PCDHA8: variants seen among roughly 807,000 people sequenced by gnomAD.
The protein encoded by PCDHA8 is protocadherin alpha-8.
In PCDHA8, 53 loss-of-function variants were observed where a neutral mutation model predicts 61.8. The ratio of observed to expected loss-of-function variants is 0.86; its 90% CI spans 0.69 to 1.08. The LOEUF (loss-of-function observed/expected upper bound fraction) is 1.08. Ranked by LOEUF, PCDHA8 falls within the 50% of genes least tolerant of loss-of-function variation. The probability of loss-of-function intolerance (pLI) is 0.00; values close to 1 mark genes in which losing one functional copy is unlikely to be tolerated. For missense variants in PCDHA8, 1,293 were observed against 1,245.0 expected (o/e 1.04, Z -0.58); for synonymous variants, 618 against 556.6 (o/e 1.11, Z -1.55).
intron 1 of PCDHA8, among the ~76,000 whole-genome samples, chr5:140,931,548 G>C (rs2087590460): frequency 6.6e-6 from 1 of 151,968 alleles, no homozygotes; most frequent in African/African-American, 2.4e-5. Flanking sequence ...CTGTTCATAT[G>C]TGCAGGAATA....
At chr5:140,980,447 C>T (rs952861849) in intron 2 of PCDHA8, among the ~76,000 whole-genome samples, 4 of 152,036 alleles carry the variant, frequency 2.6e-5, no homozygotes, top group Admixed American at 6.6e-5. Context: ...CTGGACAACA[C>T]GGTGAAACCC....
At position 140,842,736 on chromosome 5, in the gene PCDHA8, G is replaced by A; in HGVS notation, c.1415G>A (p.Cys472Tyr). Reference protein sequence around the residue: ...VFVKENNPPGCHIFTVSARDA... With the variant: ...VFVKENNPPGYHIFTVSARDA... ...GTGAAGGAGAACAACCCGCCGGGCT[G>A]CCACATCTTCACGGTGTCTGCGCGA... The change falls in exon 1 of 4, where the codon TGC becomes TAC. Residue 472 changes from cysteine (C) to tyrosine (Y), a missense_variant. By Grantham distance (194) the Cys-to-Tyr change is radical. Transcript: ENST00000531613. 1 of 1,594,954 alleles carries A rather than the reference G, an allele frequency of 6.3e-7. No homozygotes were observed. Among genetic ancestry groups the A allele is most frequent in the South Asian group, 1.1e-5 (1 of 90,478 alleles).
intron 3 of PCDHA8, 51 bp downstream of exon 3, chr5:140,982,614 G>T (rs1283279622): frequency 6.3e-7 from 1 of 1,596,658 alleles, no homozygotes; most frequent in Non-Finnish European, 8.5e-7. Flanking sequence ...AAAGTGATCA[G>T]ATGACCTACT....
At chr5:140,955,385 G>A (rs1416235573) in intron 1 of PCDHA8, among the ~76,000 whole-genome samples, 4 of 152,216 alleles carry the variant, frequency 2.6e-5, no homozygotes, top group South Asian at 4.1e-4. Flanking sequence ...GAATCATGGG[G>A]GCAATTATCC....
chr5:140,974,618 T>C (rs781783540), intron 1 of PCDHA8, among the ~76,000 whole-genome samples: 1 of 152,086 alleles, frequency 6.6e-6, no homozygotes, highest in Non-Finnish European at 1.5e-5. Context: ...TTCAAGCGAT[T>C]CTCCTGCCTC....
intron 3 of PCDHA8, among the ~76,000 whole-genome samples, chr5:141,003,132 C>G (rs1391034413): frequency 6.6e-6 from 1 of 152,208 alleles, no homozygotes; most frequent in African/African-American, 2.4e-5. Flanking sequence ...CTGGCATTTG[C>G]CTTGGCAAAG....
intron 3 of PCDHA8, chr5:140,989,000 GAGACTTATTAT>G (rs2097324899): frequency 6.6e-6 from 1 of 152,202 alleles, no homozygotes; most frequent in Non-Finnish European, 1.5e-5. Flanking sequence ...TAAGGAAATA[GAGACTTATTAT>G]AGTTTCTTCA....
chr5:141,000,618 G>A (rs1354281260), intron 3 of PCDHA8, among the ~76,000 whole-genome samples: 1 of 150,858 alleles, frequency 6.6e-6, no homozygotes, highest in Non-Finnish European at 1.5e-5. Flanking sequence ...AGTAGAGACA[G>A]GGTTTCACCA....
At chr5:140,870,438 C>A in intron 1 of PCDHA8, 1 of 1,614,178 alleles carries the variant, frequency 6.2e-7, no homozygotes, top group Non-Finnish European at 8.5e-7. Context: ...TGGAGGTGGC[C>A]GACGTGAACG....
At chr5:140,886,605 A>G (rs998772471) in intron 1 of PCDHA8, among the ~76,000 whole-genome samples, 2 of 152,108 alleles carry the variant, frequency 1.3e-5, no homozygotes, top group Non-Finnish European at 2.9e-5. Flanking sequence ...AGGTGGGCGG[A>G]TCAGGAGATC....
In PCDHA8 at chr5:140,870,881, T is replaced by C. The variant is rs782030647; in HGVS notation, c.2394+27166T>C. 3.7e-6 allele frequency: 6 copies of C among 1,613,870 alleles called. No individual in the cohort carries two copies. The South Asian group carries it at 5.5e-5, about 15-fold the overall frequency. On this transcript the variant is annotated intron_variant, in intron 1 of 3. Transcript: ENST00000531613. ...GGTGCGGGCCACGTGGTGGCGAAGG[T>C]GCGCGCAGTGGATGCGGACTCAGGC...
At chr5:140,958,905 A>G (rs1295198062) in intron 1 of PCDHA8, among the ~76,000 whole-genome samples, 1 of 149,390 alleles carries the variant, frequency 6.7e-6, no homozygotes, top group Non-Finnish European at 1.5e-5. Flanking sequence ...AGATACAGAA[A>G]AGTCTGCCTG....
intron 1 of PCDHA8, chr5:140,882,756 G>T: frequency 6.2e-7 from 1 of 1,614,238 alleles, no homozygotes; most frequent in Non-Finnish European, 8.5e-7. Flanking sequence ...GCAGATATTG[G>T]AGTAAACTCG....
At chr5:140,859,400 G>T in intron 1 of PCDHA8, 1 of 258,574 alleles carries the variant, frequency 3.9e-6, no homozygotes, top group South Asian at 8.7e-5. Context: ...CTTAAACAGG[G>T]TTGGGTTAGA....
At chr5:140,920,910 A>C (rs2153559145) in intron 1 of PCDHA8, among the ~76,000 whole-genome samples, 1 of 151,920 alleles carries the variant, frequency 6.6e-6, no homozygotes, top group East Asian at 1.9e-4. Context: ...TTCTCAAATC[A>C]GTTCCAAGAG....
chr5:140,858,537 C>T (rs1485044907), intron 1 of PCDHA8: 2 of 1,400,036 alleles, frequency 1.4e-6, no homozygotes, highest in Non-Finnish European at 2.0e-6. Flanking sequence ...TTTTTGTCTA[C>T]ATTCCATTTA....
chr5:140,963,438 CT>C (rs2095766112), intron 1 of PCDHA8, among the ~76,000 whole-genome samples: 1 of 152,242 alleles, frequency 6.6e-6, no homozygotes, highest in Admixed American at 6.5e-5. Context: ...TAACTTCATA[CT>C]CTGTTGCTAA....
intron 1 of PCDHA8, among the ~76,000 whole-genome samples, chr5:140,905,357 A>G (rs1280254509): frequency 1.3e-5 from 2 of 152,052 alleles, no homozygotes; most frequent in African/African-American, 4.8e-5. Flanking sequence ...GTATTTGACT[A>G]TATTTCTGGT....
intron 1 of PCDHA8, chr5:140,851,117 T>G: frequency 7.7e-7 from 1 of 1,306,460 alleles, no homozygotes; most frequent in Non-Finnish European, 9.9e-7. Flanking sequence ...TGAATCAATT[T>G]TATTTAAATT....
Sources: allele counts gnomAD v4.1 joint callset (sites outside exome capture counted in the v4.1 genomes callset), GRCh38; gene constraint gnomAD v4.1.1; transcripts MANE v1.5; gene names NCBI Gene and HGNC (gene_info 2026-07-23, HGNC 2026-07-21).